Variants in PLXDC2 observed in about 807,000 individuals in gnomAD.
PLXDC2 encodes the protein plexin domain containing 2.
Under a neutral mutation model 68.9 loss-of-function variants are expected in PLXDC2, and 40 were observed. The ratio of observed to expected loss-of-function variants is 0.58; its 90% CI spans 0.45 to 0.76. PLXDC2 has a LOEUF of 0.76. PLXDC2 is among the 30% of genes least tolerant of loss of function. The pLI is 0.00. For missense variants in PLXDC2, 644 were observed against 661.9 expected, an observed-to-expected ratio of 0.97 and a Z score of 0.30; for synonymous variants, 243 against 234.2, an observed-to-expected ratio of 1.04 and a Z score of -0.34.
intron 1 of PLXDC2, among the ~76,000 whole-genome samples, chr10:19,842,856 C>G (rs970903439): frequency 2.0e-5 from 3 of 151,928 alleles, no homozygotes; most frequent in Non-Finnish European, 2.9e-5. Flanking sequence ...TCTATAAAGC[C>G]TTCTTATCTT....
At chr10:19,928,726 C>T (rs546313105) in intron 1 of PLXDC2, among the ~76,000 whole-genome samples, 5 of 141,044 alleles carry the variant, frequency 3.5e-5, no homozygotes, top group South Asian at 2.4e-4. Flanking sequence ...TGAGAGTCTT[C>T]GGTGATGGAA....
At chr10:20,035,604 G>A (rs1027214135) in intron 2 of PLXDC2, among the ~76,000 whole-genome samples, 3 of 152,082 alleles carry the variant, frequency 2.0e-5, no homozygotes, top group African/African-American at 4.8e-5. Flanking sequence ...GCTAAAGGAG[G>A]AGAATCGTTT....
chr10:19,944,534 G>A (rs1833870528), intron 1 of PLXDC2, among the ~76,000 whole-genome samples: 1 of 152,320 alleles, frequency 6.6e-6, no homozygotes, highest in African/African-American at 2.4e-5. Context: ...AACCACTGGT[G>A]AATTGGGCAG....
rs962163140 is a variant in PLXDC2, at chr10:19,817,118, A to T, written c.39A>T (p.Gly13=). ...RFPKADLAAA[G]VMLLCHFFTD... ...CGAAGGCCGACCTGGCCGCTGCAGG[A>T]GTTATGTTACTTTGCCACTTCTTCA... is the stretch of plus-strand genomic sequence containing the variant. The change falls in exon 1 of 14, where the codon GGA becomes GGT. Residue 13 remains glycine, a synonymous_variant. Coordinates refer to ENST00000377252, the MANE Select transcript of PLXDC2 (RefSeq NM_032812.9). 6.4e-7 allele frequency: 1 copy of T among 1,570,658 alleles called. No homozygotes were observed. The highest frequency in any genetic ancestry group is 1.4e-5 in the African/African-American group (1 of 73,600).
chr10:19,852,390 C>T (rs1470837343), intron 1 of PLXDC2, among the ~76,000 whole-genome samples: 4 of 124,906 alleles, frequency 3.2e-5, no homozygotes, highest in African/African-American at 1.2e-4. Context: ...TGCATCACTG[C>T]ACTCCAGTCT....
chr10:19,893,051 T>C (rs531551306), intron 1 of PLXDC2, among the ~76,000 whole-genome samples: 2 of 152,196 alleles, frequency 1.3e-5, no homozygotes, highest in Admixed American at 1.3e-4. Context: ...AGGGCGTGGC[T>C]CTGACCTTCA....
At position 19,998,306 on chromosome 10, in the gene PLXDC2, A is replaced by AT. The variant is rs1282089703; in HGVS notation, c.113-3464dup. Among the ~76,000 whole-genome samples the AT allele has an allele frequency of 3.3e-5, 5 of 152,218 alleles. No homozygotes were observed. The East Asian group carries it at 9.6e-4, about 29-fold the overall frequency. On this transcript the variant is annotated intron_variant, in intron 1 of 13. Coordinates refer to ENST00000377252, the MANE Select transcript of PLXDC2 (RefSeq NM_032812.9). ...TTACAATATAGATAACGAAGCTGTG[A>AT]TTTTTCTGATTATCCTGTCTTTATT...
chr10:19,887,062 C>G (rs947156124), intron 1 of PLXDC2, among the ~76,000 whole-genome samples: 3 of 152,174 alleles, frequency 2.0e-5, no homozygotes, highest in African/African-American at 7.2e-5. Context: ...GGGACACCTA[C>G]AGGTTCCCAG....
At chr10:19,826,395 A>G (rs1443704882) in intron 1 of PLXDC2, among the ~76,000 whole-genome samples, 1 of 152,210 alleles carries the variant, frequency 6.6e-6, no homozygotes, top group East Asian at 1.9e-4. Flanking sequence ...ACTAAGAGAC[A>G]TACCACTGTG....
chr10:20,086,923 A>G (rs1833207110), intron 4 of PLXDC2, among the ~76,000 whole-genome samples: 2 of 152,234 alleles, frequency 1.3e-5, no homozygotes, highest in South Asian at 2.1e-4. Context: ...AGCCTACCAT[A>G]TAGAGCCTGT....
At chr10:20,105,458 A>G (rs927881916) in intron 4 of PLXDC2, among the ~76,000 whole-genome samples, 65 of 149,774 alleles carry the variant, frequency 4.3e-4, no homozygotes, top group East Asian at 3.9e-4. Flanking sequence ...GCAAAAAGCA[A>G]TGACATATGC....
intron 1 of PLXDC2, among the ~76,000 whole-genome samples, chr10:19,839,635 G>T (rs1589494329): frequency 1.4e-5 from 2 of 147,336 alleles, no homozygotes. Context: ...ACATGTTGGT[G>T]TTTTTTTTTT....
At position 20,002,093 on chromosome 10, in the gene PLXDC2, T is replaced by G. The variant is rs138889965; in HGVS notation, c.324+107T>G. The stretch of plus-strand genomic sequence containing the variant: ...GTCTCTTCATCTCAATCTAGAAATT[T>G]TGGATTTCTTTTAAAGAACAATTTA... On this transcript the variant is annotated intron_variant, in intron 2 of 13. Transcript: ENST00000377252. 1.0e-3 allele frequency: 1,161 copies of G among 1,117,770 alleles called. 9 individuals carry two copies. In the Middle Eastern group the frequency reaches 0.017, roughly 16 times the overall value. The allele number at this position is 1,117,770 out of a possible 1,614,324, so 69.2% of individuals were successfully genotyped here.
intron 1 of PLXDC2, among the ~76,000 whole-genome samples, chr10:19,858,904 C>T (rs1589504383): frequency 6.6e-6 from 1 of 151,996 alleles, no homozygotes; most frequent in East Asian, 1.9e-4. Context: ...GTTCATGATT[C>T]TGCAGGCTAT....
intron 1 of PLXDC2, among the ~76,000 whole-genome samples, chr10:19,897,260 A>G (rs1838074691): frequency 6.9e-6 from 1 of 144,328 alleles, no homozygotes; most frequent in African/African-American, 2.6e-5. Flanking sequence ...TTTTCTTGAG[A>G]CGGAGTTTTG....
Position 20,283,449 on chromosome 10 carries a change from A to G in PLXDC2, c.*3630A>G, listed in dbSNP as rs776081504. On this transcript the variant is annotated 3_prime_UTR_variant, in exon 14 of 14. Coordinates refer to ENST00000377252, the MANE Select transcript of PLXDC2 (RefSeq NM_032812.9). The stretch of plus-strand genomic sequence containing the variant: ...CGAGTACCAGCACAAATTTGCATTC[A>G]AAGGAAGAATAGTTCATCAGTGCAA... 1.7e-4 allele frequency: 26 copies of G among 152,254 alleles called. No homozygotes were observed. Among genetic ancestry groups the G allele is most frequent in the Admixed American group, 5.2e-4 (8 of 15,286 alleles). 9.4% of individuals were successfully genotyped at this position (152,254 alleles called of 1,614,324 possible). A position where few individuals can be genotyped will look rare whatever the true frequency, so the allele number is the denominator to read the frequency against.
intron 12 of PLXDC2, among the ~76,000 whole-genome samples, chr10:20,240,570 G>C (rs917772794): frequency 1.3e-5 from 2 of 152,024 alleles, no homozygotes; most frequent in African/African-American, 2.4e-5. Flanking sequence ...TCAATGAAGT[G>C]CTCCCTGCAG....
rs1220918119 is a variant in PLXDC2 at position 20,161,453 on chromosome 10, C to CT, written c.784-3002dup. Among the ~76,000 whole-genome samples, 378 of 142,300 alleles carry CT rather than the reference C, an allele frequency of 2.7e-3. 3 individuals carry two copies. Among genetic ancestry groups the CT allele is most frequent in the East Asian group, 0.012 (60 of 4,914 alleles). 93.4% of individuals were successfully genotyped at this position (142,300 alleles called of 152,430 possible). On this transcript the variant is annotated intron_variant, in intron 6 of 13. Transcript: ENST00000377252. Reference sequence around the variant, plus strand: ...AGCAGTTTTTCAAGTCTCTCTCTCTCTTTTTTTTTTTTTGCTTCAAGCTTC... The same window carrying CT: ...AGCAGTTTTTCAAGTCTCTCTCTCTCTTTTTTTTTTTTTTGCTTCAAGCTTC...
intron 2 of PLXDC2, among the ~76,000 whole-genome samples, chr10:20,020,760 A>G (rs750032107): frequency 6.6e-6 from 1 of 152,190 alleles, no homozygotes; most frequent in Non-Finnish European, 1.5e-5. Context: ...TTATTCAATA[A>G]ACATTAATGC....
Sources: gnomAD v4.1 joint callset for allele counts (sites outside exome capture counted in the v4.1 genomes callset) on GRCh38, gnomAD v4.1.1 for gene constraint, MANE v1.5 for transcripts, NCBI Gene and HGNC (gene_info 2026-07-23, HGNC 2026-07-21) for gene names.